The following RALGPS1 variants were observed in gnomAD, a reference collection of about 807,000 sequenced individuals.
RALGPS1 encodes ras-specific guanine nucleotide-releasing factor RalGPS1.
RALGPS1 carries 19 observed loss-of-function variants against 78.8 expected under a neutral mutation model. The ratio of observed to expected loss-of-function variants is 0.24; its 90% confidence interval spans 0.17 to 0.35. The LOEUF (loss-of-function observed/expected upper bound fraction) is 0.35, where lower values mean the gene tolerates loss of function less well. RALGPS1 is among the 10% of genes least tolerant of loss of function. The pLI is 1.00. For missense variants in RALGPS1, 454 were observed against 688.3 expected (o/e 0.66, Z 3.81); for synonymous variants, 228 against 256.3 (o/e 0.89, Z 1.06).
chr9:126,969,585 T>C (rs1043040482), intron 3 of RALGPS1, among the ~76,000 whole-genome samples: 6 of 152,258 alleles, frequency 3.9e-5, no homozygotes, highest in African/African-American at 1.2e-4. Context: ...GCCTAGCTTC[T>C]ATGTTCTATT....
chr9:127,018,212 C>CAAACA (rs376104224), intron 4 of RALGPS1, among the ~76,000 whole-genome samples: 73 of 151,218 alleles, frequency 4.8e-4, no homozygotes, highest in Admixed American at 9.9e-4. Flanking sequence ...GACTCCGTCT[C>CAAACA]AAACAAAACA....
chr9:127,042,586 A>G (rs2047413252), intron 5 of RALGPS1, among the ~76,000 whole-genome samples: 1 of 152,228 alleles, frequency 6.6e-6, no homozygotes, highest in Non-Finnish European at 1.5e-5. Flanking sequence ...GACACTGAAT[A>G]CTTTCCCCCT....
intron 14 of RALGPS1, among the ~76,000 whole-genome samples, chr9:127,202,013 C>T (rs1382514512): frequency 3.9e-5 from 6 of 152,286 alleles, no homozygotes; most frequent in Middle Eastern, 3.4e-3. Context: ...GAGGCTTGGC[C>T]GTGGTGGGGG....
chr9:127,165,453 G>A (rs1714200394), intron 8 of RALGPS1, among the ~76,000 whole-genome samples: 1 of 152,258 alleles, frequency 6.6e-6, no homozygotes, highest in Admixed American at 6.5e-5. Context: ...CAAAAGCTTT[G>A]CAGACTACAT....
intron 8 of RALGPS1, among the ~76,000 whole-genome samples, chr9:127,119,625 T>C (rs1051445346): frequency 1.3e-5 from 2 of 152,186 alleles, no homozygotes; most frequent in African/African-American, 4.8e-5. Flanking sequence ...ACATAATGTA[T>C]ATGCCTTATT....
chr9:127,110,930 C>T (rs540469029), intron 8 of RALGPS1, among the ~76,000 whole-genome samples: 1 of 152,132 alleles, frequency 6.6e-6, no homozygotes, highest in Admixed American at 6.5e-5. Context: ...TACCTTCTGT[C>T]CTCAACTTCA....
At position 127,108,595 on chromosome 9, in the gene RALGPS1, C is replaced by T. The variant is rs149981584; in HGVS notation, c.610+39239C>T. On this transcript the variant is annotated intron_variant, in intron 8 of 18. Coordinates refer to ENST00000259351, the MANE Select transcript of RALGPS1 (RefSeq NM_014636.3). ...GCACTTGTCCTGGGACTCGCCCGCC[C>T]GCTTGTACCTGTTTAGGTAAATGAA... 3.1e-5 allele frequency: 50 copies of T among 1,613,616 alleles called. No homozygotes were observed. The highest frequency in any genetic ancestry group is 2.8e-4 in the African/African-American group (21 of 74,848).
chr9:127,025,626 G>A (rs866283794), intron 4 of RALGPS1, among the ~76,000 whole-genome samples: 3 of 152,168 alleles, frequency 2.0e-5, no homozygotes, highest in Non-Finnish European at 2.9e-5. Context: ...ATGACATAGA[G>A]CACCTTCCCC....
At chr9:127,119,729 G>A (rs546520099) in intron 8 of RALGPS1, among the ~76,000 whole-genome samples, 1 of 152,284 alleles carries the variant, frequency 6.6e-6, no homozygotes, top group Admixed American at 6.5e-5. Flanking sequence ...GCAATAACAT[G>A]TAGTCCCCTG....
At position 127,142,852 on chromosome 9, in the gene RALGPS1, G is replaced by A. The variant is rs545862435; in HGVS notation, c.611-23217G>A. Among the ~76,000 whole-genome samples, 10 of 152,240 alleles carry A rather than the reference G, an allele frequency of 6.6e-5. 1 individual carries two copies. In the East Asian group the frequency reaches 7.7e-4, roughly 12 times the overall value. On this transcript the variant is annotated intron_variant, in intron 8 of 18. Coordinates refer to ENST00000259351, the MANE Select transcript of RALGPS1 (RefSeq NM_014636.3). ...ATGTATGTGGTTATGTTGCTACTCT[G>A]ATAATAATTAAATCTGGACGGTAAA... is the stretch of plus-strand genomic sequence containing the variant.
chr9:127,110,941 C>T (rs965748599), intron 8 of RALGPS1, among the ~76,000 whole-genome samples: 1 of 152,160 alleles, frequency 6.6e-6, no homozygotes, highest in Non-Finnish European at 1.5e-5. Context: ...CTCAACTTCA[C>T]AGCCAGAGTG....
At chr9:126,941,743 G>A (rs1009059824) in intron 1 of RALGPS1, among the ~76,000 whole-genome samples, 1 of 152,130 alleles carries the variant, frequency 6.6e-6, no homozygotes, top group Admixed American at 6.5e-5. Context: ...CTGAGTTTAT[G>A]GACATTGCTC....
chr9:126,952,656 A>AGTGTGTGTGTGTGTGTGTGT lies in RALGPS1; in HGVS notation c.-65-9564_-65-9545dup, dbSNP rs1281535322. ...GAGAGAGAGAGAGAGAGAGAGAGAG[A>AGTGTGTGTGTGTGTGTGTGT]GTGTGTGTGTGTGTGTGTGTGTGTC... is the stretch of plus-strand genomic sequence containing the variant. On this transcript the variant is annotated intron_variant, in intron 1 of 18. Transcript: ENST00000259351. Among the ~76,000 whole-genome samples the AGTGTGTGTGTGTGTGTGTGT allele has an allele frequency of 2.8e-3, 390 of 138,794 alleles. 3 individuals are homozygous for AGTGTGTGTGTGTGTGTGTGT. The highest frequency in any genetic ancestry group is 5.0e-3 in the Non-Finnish European group (314 of 63,296). The allele number at this position is 138,794 out of a possible 152,430, so 91.1% of individuals were successfully genotyped here.
Position 127,196,462 on chromosome 9 carries a change from TC to T in RALGPS1, c.1038-10del, listed in dbSNP as rs2061352808. ...AGGAGCTTTGCCTTCTTTCTTCCTT[TC>T]CATTTTCCAGTATGATGTGTCAGTT... is the stretch of plus-strand genomic sequence containing the variant. On this transcript the variant is annotated splice_polypyrimidine_tract_variant and intron_variant, in intron 12 of 18. Transcript: ENST00000259351. 1 of 1,604,242 alleles carries T rather than the reference TC, an allele frequency of 6.2e-7. No homozygotes were observed. The highest frequency in any genetic ancestry group is 8.5e-7 in the Non-Finnish European group (1 of 1,173,726).
intron 3 of RALGPS1, among the ~76,000 whole-genome samples, chr9:126,973,939 T>C (rs953329497): frequency 1.3e-5 from 2 of 152,152 alleles, no homozygotes; most frequent in African/African-American, 4.8e-5. Context: ...GTGGTGCGAT[T>C]TCGGCTCACT....
intron 4 of RALGPS1, among the ~76,000 whole-genome samples, chr9:127,027,604 G>A (rs1388012405): frequency 1.3e-5 from 2 of 152,214 alleles, no homozygotes; most frequent in Admixed American, 6.5e-5. Flanking sequence ...GGTACTGGAT[G>A]CGACCCCCAC....
intron 4 of RALGPS1, among the ~76,000 whole-genome samples, chr9:126,984,583 T>TC (rs1224935871): frequency 6.6e-6 from 1 of 152,218 alleles, no homozygotes; most frequent in Non-Finnish European, 1.5e-5. Context: ...GTCTGTCTCC[T>TC]CCATCATAAT....
At chr9:126,928,190 G>C (rs2035476452) in intron 1 of RALGPS1, among the ~76,000 whole-genome samples, 1 of 152,178 alleles carries the variant, frequency 6.6e-6, no homozygotes, top group South Asian at 2.1e-4. Context: ...TGTGTTGTTA[G>C]TATTATCCTC....
chr9:127,158,672 C>T (rs186225438), intron 8 of RALGPS1, among the ~76,000 whole-genome samples: 5 of 148,710 alleles, frequency 3.4e-5, no homozygotes, highest in South Asian at 2.1e-4. Flanking sequence ...ATTGTTTTCT[C>T]GTTTCTTTTT....
Sources: gnomAD v4.1 joint callset for allele counts (sites outside exome capture counted in the v4.1 genomes callset) on GRCh38, gnomAD v4.1.1 for gene constraint, MANE v1.5 for transcripts, NCBI Gene and HGNC (gene_info 2026-07-23, HGNC 2026-07-21) for gene names.